Variants in RGS20 observed in about 807,000 individuals in gnomAD.
RGS20 encodes the protein regulator of G protein signaling 20.
Under a neutral mutation model 33.6 loss-of-function variants are expected in RGS20, and 30 were observed. The observed-to-expected ratio is 0.89, with a 90% CI of 0.67 to 1.21. The LOEUF (loss-of-function observed/expected upper bound fraction) is 1.21. Ranked by LOEUF, RGS20 falls within the 50% of genes most tolerant of loss-of-function variation. The pLI is 0.00. For missense variants in RGS20, 472 were observed against 502.4 expected (o/e 0.94, Z 0.58); for synonymous variants, 208 against 197.9 (o/e 1.05, Z -0.43).
intron 2 of RGS20, among the ~76,000 whole-genome samples, chr8:53,907,821 T>C (rs909886316): frequency 2.0e-5 from 3 of 152,168 alleles, no homozygotes; most frequent in Middle Eastern, 6.8e-3. Context: ...AGGATACAGA[T>C]TAAGTTTAAA....
rs190371905 is a variant in RGS20 at position 53,943,186 on chromosome 8, G to A, written c.659+3462G>A. The stretch of plus-strand genomic sequence containing the variant: ...GGGTAAAGAGAGGAAGAAATGAGAT[G>A]GGGAAAAGTACACAGCAAACTTCAA... On this transcript the variant is annotated intron_variant, in intron 3 of 5. Transcript: ENST00000297313. Among the ~76,000 whole-genome samples, 529 of 152,148 alleles carry A rather than the reference G, an allele frequency of 3.5e-3. 1 individual carries two copies. The highest frequency in any genetic ancestry group is 5.3e-3 in the Non-Finnish European group (359 of 68,000).
At chr8:53,872,063 C>T (rs1812086265) in intron 1 of RGS20, among the ~76,000 whole-genome samples, 1 of 152,158 alleles carries the variant, frequency 6.6e-6, no homozygotes, top group Non-Finnish European at 1.5e-5. Flanking sequence ...CTAGTCCTCT[C>T]CTTTCAGTAA....
At chr8:53,884,464 T>C (rs1585885618) in intron 2 of RGS20, among the ~76,000 whole-genome samples, 1 of 152,216 alleles carries the variant, frequency 6.6e-6, no homozygotes. Flanking sequence ...CTTGAAGTGC[T>C]AACTTGTCTG....
chr8:53,913,368 A>G (rs1411310065), intron 2 of RGS20: 2 of 152,248 alleles, frequency 1.3e-5, no homozygotes, highest in Non-Finnish European at 2.9e-5. Flanking sequence ...GAAGCATTAA[A>G]GTGGCTTCAC....
chr8:53,881,115 C>T (rs1812368289), intron 2 of RGS20, 31 bp downstream of exon 1: 4 of 1,458,926 alleles, frequency 2.7e-6, no homozygotes, highest in East Asian at 2.5e-5. Flanking sequence ...AACTCTCTTT[C>T]TTCGTCTCGG....
intron 2 of RGS20, among the ~76,000 whole-genome samples, chr8:53,889,815 T>C (rs1812663584): frequency 6.6e-6 from 1 of 152,092 alleles, no homozygotes. Flanking sequence ...CATTCCATTA[T>C]CTTTTGACTT....
chr8:53,875,030 G>C (rs1212772171), intron 1 of RGS20, among the ~76,000 whole-genome samples: 1 of 152,166 alleles, frequency 6.6e-6, no homozygotes, highest in Non-Finnish European at 1.5e-5. Context: ...TTTTTCGCCT[G>C]AACAAAAATA....
chr8:53,908,430 AG>A (rs1813243768), intron 2 of RGS20, among the ~76,000 whole-genome samples: 1 of 152,188 alleles, frequency 6.6e-6, no homozygotes, highest in South Asian at 2.1e-4. Flanking sequence ...ACTTGAGCCC[AG>A]GAGTTTGAGA....
intron 2 of RGS20, among the ~76,000 whole-genome samples, chr8:53,892,431 GT>G (rs1812737533): frequency 6.6e-6 from 1 of 152,230 alleles, no homozygotes; most frequent in African/African-American, 2.4e-5. Context: ...GGAAGTCAGT[GT>G]GGCGATTCCT....
chr8:53,861,073 T>C (rs773104792), intron 1 of RGS20, among the ~76,000 whole-genome samples: 1 of 152,180 alleles, frequency 6.6e-6, no homozygotes, highest in African/African-American at 2.4e-5. Flanking sequence ...TAAACCAACT[T>C]ATGGGATTCC....
intron 2 of RGS20, among the ~76,000 whole-genome samples, chr8:53,890,315 A>G (rs1812678376): frequency 6.6e-6 from 1 of 152,230 alleles, no homozygotes; most frequent in South Asian, 2.1e-4. Context: ...GATTCATTTT[A>G]ATACATTTAA....
chr8:53,863,202 G>T (rs1488076464), intron 1 of RGS20, among the ~76,000 whole-genome samples: 1 of 152,008 alleles, frequency 6.6e-6, no homozygotes, highest in Non-Finnish European at 1.5e-5. Flanking sequence ...GGTCAGGCTG[G>T]TCTCAAACTC....
At chr8:53,879,745 C>A in intron 2 of RGS20, 1 of 698,906 alleles carries the variant, frequency 1.4e-6, no homozygotes, top group Non-Finnish European at 2.2e-6. Context: ...CGGGACGTGG[C>A]TGGGCAAGTC....
intron 2 of RGS20, among the ~76,000 whole-genome samples, chr8:53,932,389 G>C (rs1813998351): frequency 6.6e-6 from 1 of 152,130 alleles, no homozygotes; most frequent in Non-Finnish European, 1.5e-5. Flanking sequence ...TGAAATCCTT[G>C]CTGCCAGCAC....
intron 2 of RGS20, among the ~76,000 whole-genome samples, chr8:53,894,256 C>T (rs1812792414): frequency 1.3e-5 from 2 of 152,186 alleles, no homozygotes; most frequent in Admixed American, 1.3e-4. Flanking sequence ...CATTTCAAGT[C>T]TGAAATTTCT....
chr8:53,935,122 G>A (rs1348096503), intron 2 of RGS20, among the ~76,000 whole-genome samples: 3 of 152,154 alleles, frequency 2.0e-5, no homozygotes, highest in Non-Finnish European at 4.4e-5. Flanking sequence ...CGTTTAGAGG[G>A]AAATTTATAG....
At chr8:53,950,280 T>G (rs1372181804) in intron 4 of RGS20, among the ~76,000 whole-genome samples, 1 of 152,154 alleles carries the variant, frequency 6.6e-6, no homozygotes, top group African/African-American at 2.4e-5. Flanking sequence ...AATAAATAAT[T>G]AGTGAACCTG....
intron 2 of RGS20, among the ~76,000 whole-genome samples, chr8:53,909,662 A>G (rs1052456484): frequency 7.2e-5 from 11 of 152,228 alleles, no homozygotes; most frequent in African/African-American, 2.7e-4. Flanking sequence ...CTATGGCAGA[A>G]TGATATCATA....
intron 2 of RGS20, among the ~76,000 whole-genome samples, chr8:53,924,246 A>G (rs969110057): frequency 2.0e-5 from 3 of 151,774 alleles, no homozygotes; most frequent in Admixed American, 6.6e-5. Flanking sequence ...GCTGAAGTGC[A>G]GTGGTGTATG....
Sources: allele counts gnomAD v4.1 joint callset (sites outside exome capture counted in the v4.1 genomes callset), GRCh38; gene constraint gnomAD v4.1.1; transcripts MANE v1.5; gene names NCBI Gene and HGNC (gene_info 2026-07-23, HGNC 2026-07-21).